Variants in MPHOSPH9 observed in about 807,000 individuals in gnomAD.
The protein encoded by MPHOSPH9 is M-phase phosphoprotein 9.
In MPHOSPH9, 88 loss-of-function variants were observed where a neutral mutation model predicts 145.5. The observed-to-expected ratio is 0.60, with a 90% confidence interval of 0.51 to 0.72. MPHOSPH9 has a LOEUF of 0.72. Among genes scored for constraint, MPHOSPH9 ranks in the 30% least tolerant of loss-of-function variants. MPHOSPH9 has a pLI of 0.00. For synonymous variants in MPHOSPH9, 435 were observed against 486.2 expected, an observed-to-expected ratio of 0.89 and a Z score of 1.39; for missense variants, 1,238 against 1,386.6, an observed-to-expected ratio of 0.89 and a Z score of 1.70.
chr12:123,238,955 G>A (rs1040589383), intron 1 of MPHOSPH9, among the ~76,000 whole-genome samples: 3 of 152,034 alleles, frequency 2.0e-5, no homozygotes, highest in African/African-American at 7.2e-5. Context: ...TTCATATTTA[G>A]GGGGAAAAAA....
At position 123,163,430 on chromosome 12, in the gene MPHOSPH9, A is replaced by G. The variant is rs146181952; in HGVS notation, c.2909-296T>C. ...GATGGAAACAGCAGTACACTACTGA[A>G]CATTCCTATAACACAATAATAAGAA... is the stretch of plus-strand genomic sequence containing the variant. On this transcript the variant is annotated intron_variant, in intron 19 of 23. Coordinates refer to ENST00000606320, the MANE Select transcript of MPHOSPH9 (RefSeq NM_022782.4). The G allele has an allele frequency of 5.5e-3, 1,561 of 286,182 alleles. 9 individuals are homozygous for G. The highest frequency in any genetic ancestry group is 8.1e-3 in the Non-Finnish European group (1,261 of 155,988). The allele number at this position is 286,182 out of a possible 1,614,324, so 17.7% of individuals were successfully genotyped here.
chr12:123,198,269 T>G lies in MPHOSPH9; in HGVS notation c.2003A>C (p.Asn668Thr). ...TSRVRTLENK[N>T]NLLEIEVNDL... ...TACCACTTCAATTTCCAGTAAGTTA[T>G]TCTTATTTTCAAGTGTTCTCACGCG... Residue 668 changes from asparagine (N) to threonine (T), a missense_variant, in exon 12 of 24, where the codon AAT becomes ACT. By Grantham distance (65) the Asn-to-Thr change is moderately conservative. This residue lies in a region of MPHOSPH9 where 837 missense variants were observed against 897.5 expected (regional missense o/e 0.93). Coordinates refer to ENST00000606320, the MANE Select transcript of MPHOSPH9 (RefSeq NM_022782.4). The G allele has an allele frequency of 6.2e-7, 1 of 1,611,244 alleles. No homozygotes were observed.
At chr12:123,240,751 T>TA (rs2047921819) in intron 1 of MPHOSPH9, 1 of 64,022 alleles carries the variant, frequency 1.6e-5, no homozygotes, top group African/African-American at 3.9e-5. Context: ...TTTTTTTTTT[T>TA]GAGAAAAAGT....
intron 19 of MPHOSPH9, 95 bp from the exon 20 acceptor site, chr12:123,163,229 A>G: frequency 7.7e-7 from 1 of 1,305,618 alleles, no homozygotes; most frequent in South Asian, 1.5e-5. Flanking sequence ...TTTTGAAAGG[A>G]ATATAATTTC....
At chr12:123,190,849 G>A (rs1183861262) in intron 13 of MPHOSPH9, among the ~76,000 whole-genome samples, 2 of 152,164 alleles carry the variant, frequency 1.3e-5, no homozygotes, top group Non-Finnish European at 2.9e-5. Flanking sequence ...AACGGTATTT[G>A]TTATATTACT....
At chr12:123,187,888 G>A (rs963087418) in intron 13 of MPHOSPH9, among the ~76,000 whole-genome samples, 15 of 152,164 alleles carry the variant, frequency 9.9e-5, no homozygotes, top group Admixed American at 4.6e-4. Flanking sequence ...CACTTTGGTA[G>A]ACTGAGGCGG....
At position 123,156,907 on chromosome 12, in the gene MPHOSPH9, T is replaced by C. The variant is rs2043888758; in HGVS notation, c.3452A>G (p.Glu1151Gly). ...CCTTTCCAAACGATCTTCCAAGGCT[T>C]CCTAGGTGAAAACAATGGGAAAAGT... is the stretch of plus-strand genomic sequence containing the variant. The part of the protein sequence containing the change: ...RITLQTRLNQ[E>G]ALEDRLERIN... Residue 1151 changes from glutamate (E) to glycine (G), a missense_variant and splice_region_variant, in exon 24 of 24, where the codon GAA becomes GGA. Physicochemically the swap from Glu to Gly is moderately conservative, Grantham distance 98. Coordinates refer to ENST00000606320, the MANE Select transcript of MPHOSPH9 (RefSeq NM_022782.4). 3.1e-6 allele frequency: 5 copies of C among 1,598,558 alleles called. No homozygotes were observed. Among genetic ancestry groups the C allele is most frequent in the Non-Finnish European group, 4.3e-6 (5 of 1,168,584 alleles).
intron 11 of MPHOSPH9, among the ~76,000 whole-genome samples, chr12:123,200,567 G>C (rs139863508): frequency 6.1e-4 from 92 of 151,740 alleles, no homozygotes; most frequent in Middle Eastern, 6.8e-3. Context: ...ACCTTCTTTA[G>C]GACTGTTTTT....
At chr12:123,227,237 T>C (rs924945134) in intron 3 of MPHOSPH9, among the ~76,000 whole-genome samples, 1 of 152,190 alleles carries the variant, frequency 6.6e-6, no homozygotes, top group South Asian at 2.1e-4. Context: ...ATATTTAATA[T>C]ACAAATTAGT....
chr12:123,196,148 G>A (rs1017552385), intron 12 of MPHOSPH9, among the ~76,000 whole-genome samples: 2 of 151,812 alleles, frequency 1.3e-5, no homozygotes, highest in Non-Finnish European at 2.9e-5. Flanking sequence ...TCAGGAGTTC[G>A]AGACCAGCCT....
In MPHOSPH9 at chr12:123,197,887, T is replaced by C. The variant is rs544330680; in HGVS notation, c.2025+360A>G. Among the ~76,000 whole-genome samples the C allele has an allele frequency of 1.6e-4, 24 of 149,704 alleles. No homozygotes were observed. In the South Asian group the frequency reaches 4.7e-3, roughly 29 times the overall value. ...TCACAAGGTCAGGAGATCGAGACCA[T>C]CCTGGCTAACACGGTGAAACCCCGT... On this transcript the variant is annotated intron_variant, in intron 12 of 23. Coordinates refer to ENST00000606320, the MANE Select transcript of MPHOSPH9 (RefSeq NM_022782.4).
intron 1 of MPHOSPH9, among the ~76,000 whole-genome samples, chr12:123,239,029 G>A (rs996161479): frequency 7.2e-5 from 11 of 152,296 alleles, no homozygotes; most frequent in Admixed American, 6.5e-4. Context: ...CCAGCACTTT[G>A]GAAGGCTGAG....
chr12:123,226,184 G>C (rs2047429635), intron 3 of MPHOSPH9: 1 of 268,048 alleles, frequency 3.7e-6, no homozygotes, highest in Admixed American at 6.0e-5. Flanking sequence ...ATTATTATAT[G>C]CAAACAAGCA....
upstream of MPHOSPH9, among the ~76,000 whole-genome samples, chr12:123,236,937 T>C (rs1429138218): frequency 6.6e-6 from 1 of 151,652 alleles, no homozygotes; most frequent in Non-Finnish European, 1.5e-5. Flanking sequence ...TACAAAAAAT[T>C]AGCCAAGCGT....
rs2047267311 is a variant in MPHOSPH9 at position 123,222,898 on chromosome 12, T to G, written c.348+140A>C. On this transcript the variant is annotated intron_variant, in intron 4 of 23. Transcript: ENST00000606320. ...TTGTAGTGAGCTGAGATCAAGCCAC[T>G]GCACTCCAACCTGGGCAACAAGAGT... 5 of 502,232 alleles carry G rather than the reference T, an allele frequency of 1.0e-5. No homozygotes were observed. In the South Asian group the frequency reaches 1.8e-4, roughly 18 times the overall value. The allele number at this position is 502,232 out of a possible 1,614,324, so 31.1% of individuals were successfully genotyped here. A position where few individuals can be genotyped will look rare whatever the true frequency, so the allele number is the denominator to read the frequency against.
chr12:123,240,411 CAA>C (rs1239533943), intron 1 of MPHOSPH9: 1 of 152,088 alleles, frequency 6.6e-6, no homozygotes, highest in East Asian at 1.9e-4. Context: ...ACCAGCATCA[CAA>C]GTCACAAGAC....
At chr12:123,218,240 C>G in intron 6 of MPHOSPH9, 136 bp downstream of exon 6, 1 of 1,293,986 alleles carries the variant, frequency 7.7e-7, no homozygotes, top group Non-Finnish European at 1.0e-6. Context: ...CTCAAAAAAA[C>G]AACAACAAAA....
intron 2 of MPHOSPH9, 135 bp from the exon 3 acceptor site, chr12:123,227,751 A>T (rs969765551): frequency 3.2e-5 from 23 of 721,404 alleles, no homozygotes; most frequent in Non-Finnish European, 3.8e-5. Context: ...ATTTGTTCAA[A>T]ATCTGATCAC....
chr12:123,192,575 G>C (rs2045727777), intron 13 of MPHOSPH9, among the ~76,000 whole-genome samples: 1 of 124,550 alleles, frequency 8.0e-6, no homozygotes, highest in Non-Finnish European at 1.6e-5. Context: ...GCTTCAGTAA[G>C]CTGTGATCGC....
Sources: gnomAD v4.1 joint callset for allele counts (sites outside exome capture counted in the v4.1 genomes callset) on GRCh38, gnomAD v4.1.1 for gene constraint, gnomAD v4.1.1 regional missense constraint, MANE v1.5 for transcripts, NCBI Gene and HGNC (gene_info 2026-07-23, HGNC 2026-07-21) for gene names.